Variants in GRM8 observed in about 807,000 individuals in gnomAD.
GRM8 encodes metabotropic glutamate receptor 8.
In GRM8, 47 loss-of-function variants were observed where a neutral mutation model predicts 87.2. That is an observed-to-expected ratio of 0.54 (90% CI 0.43 to 0.69). The LOEUF is 0.69. Among genes scored for constraint, GRM8 ranks in the 30% least tolerant of loss-of-function variants. GRM8 has a pLI of 0.00. For missense variants in GRM8, 1,019 were observed against 1,139.2 expected (o/e 0.89, Z 1.52); for synonymous variants, 396 against 404.5 (o/e 0.98, Z 0.25).
chr7:126,543,656 T>C (rs1219250215), intron 8 of GRM8, among the ~76,000 whole-genome samples: 1 of 152,212 alleles, frequency 6.6e-6, no homozygotes, highest in Non-Finnish European at 1.5e-5. Flanking sequence ...GTGAGCCAAG[T>C]GTGCCTAGAG....
intron 3 of GRM8, among the ~76,000 whole-genome samples, chr7:127,054,978 C>A (rs17863198): frequency 0.08 from 12,136 of 151,630 alleles, 525 homozygotes; most frequent in South Asian, 0.13. Context: ...ATGAACCAAC[C>A]ATATGGTATG....
At chr7:126,826,547 G>T (rs1452587150) in intron 6 of GRM8, among the ~76,000 whole-genome samples, 2 of 152,080 alleles carry the variant, frequency 1.3e-5, no homozygotes, top group Non-Finnish European at 2.9e-5. Context: ...CATGTCCTTC[G>T]CCCAATTTTT....
At chr7:126,511,437 C>A (rs1304661102) in intron 9 of GRM8, 1 of 152,102 alleles carries the variant, frequency 6.6e-6, no homozygotes, top group African/African-American at 2.4e-5. Context: ...GACAACATGG[C>A]AATTTTATAT....
chr7:126,689,817 C>A (rs1439569067), intron 7 of GRM8, among the ~76,000 whole-genome samples: 1 of 152,144 alleles, frequency 6.6e-6, no homozygotes, highest in African/African-American at 2.4e-5. Context: ...GAAGCTTCTG[C>A]ATGACCATGG....
intron 9 of GRM8, among the ~76,000 whole-genome samples, chr7:126,520,247 T>C (rs914123729): frequency 9.2e-5 from 14 of 152,264 alleles, no homozygotes; most frequent in Non-Finnish European, 1.5e-4. Flanking sequence ...GAAGGTTTTA[T>C]TATTCTAAAA....
At chr7:127,051,878 G>A (rs1433092714) in intron 3 of GRM8, among the ~76,000 whole-genome samples, 1 of 150,962 alleles carries the variant, frequency 6.6e-6, no homozygotes, top group African/African-American at 2.4e-5. Context: ...AATCATAAAG[G>A]CATGCATAAG....
chr7:126,663,967 GA>G (rs1460475129), intron 7 of GRM8, among the ~76,000 whole-genome samples: 3 of 152,082 alleles, frequency 2.0e-5, no homozygotes, highest in African/African-American at 7.2e-5. Context: ...AATCAACGTG[GA>G]GAAATCAGTA....
rs201489921 is a variant in GRM8, at chr7:126,856,357, T to TA, written c.1156+46184_1156+46185insT. Among the ~76,000 whole-genome samples, 11 of 152,298 alleles carry TA rather than the reference T, an allele frequency of 7.2e-5. No individual in the cohort carries two copies. The East Asian group carries it at 1.9e-3, about 27-fold the overall frequency. On this transcript the variant is annotated intron_variant, in intron 6 of 10. Coordinates refer to ENST00000339582, the MANE Select transcript of GRM8 (RefSeq NM_000845.3). ...ATAACAAAACTAACATCGCCACATT[T>TA]TTTTTTTAACAATCTGTTCTGAAGG...
intron 2 of GRM8, among the ~76,000 whole-genome samples, chr7:127,204,266 T>C (rs945037209): frequency 3.3e-5 from 5 of 152,192 alleles, no homozygotes; most frequent in African/African-American, 1.2e-4. Flanking sequence ...ATTATACATA[T>C]CTAACTTTTG....
intron 2 of GRM8, among the ~76,000 whole-genome samples, chr7:127,160,715 C>G (rs1793053720): frequency 6.6e-6 from 1 of 152,048 alleles, no homozygotes; most frequent in South Asian, 2.1e-4. Flanking sequence ...AAAAGAGAAG[C>G]CTCTAGGCTA....
intron 9 of GRM8, among the ~76,000 whole-genome samples, chr7:126,503,153 C>G (rs1809901404): frequency 6.6e-6 from 1 of 151,932 alleles, no homozygotes; most frequent in Non-Finnish European, 1.5e-5. Context: ...TTCATCTTCT[C>G]CTGTCATCAA....
At chr7:126,757,872 G>C (rs1352752981) in intron 7 of GRM8, among the ~76,000 whole-genome samples, 1 of 152,050 alleles carries the variant, frequency 6.6e-6, no homozygotes, top group Non-Finnish European at 1.5e-5. Context: ...CCTTTTACTT[G>C]AGGCCAGATA....
At chr7:126,823,749 G>C (rs1225299883) in intron 6 of GRM8, among the ~76,000 whole-genome samples, 1 of 152,098 alleles carries the variant, frequency 6.6e-6, no homozygotes, top group Non-Finnish European at 1.5e-5. Flanking sequence ...TGTTAATCCA[G>C]AGCAGCCACA....
chr7:127,166,939 A>T (rs1793488185), intron 2 of GRM8, among the ~76,000 whole-genome samples: 1 of 152,158 alleles, frequency 6.6e-6, no homozygotes, highest in African/African-American at 2.4e-5. Flanking sequence ...TGATCAAAGG[A>T]AAGGATTCTT....
chr7:127,249,868 G>A (rs1165955154), intron 1 of GRM8, among the ~76,000 whole-genome samples: 2 of 152,092 alleles, frequency 1.3e-5, no homozygotes. Flanking sequence ...CTGAACCTCC[G>A]CAAGCCAGCC....
At chr7:126,563,188 C>A (rs550425632) in intron 8 of GRM8, among the ~76,000 whole-genome samples, 1 of 151,980 alleles carries the variant, frequency 6.6e-6, no homozygotes, top group African/African-American at 2.4e-5. Flanking sequence ...TTCTACCCCT[C>A]GGTGATTTAC....
chr7:127,082,980 C>G (rs1180501731), intron 3 of GRM8, among the ~76,000 whole-genome samples: 2 of 152,134 alleles, frequency 1.3e-5, no homozygotes, highest in Non-Finnish European at 2.9e-5. Context: ...AGAAACACAA[C>G]CAAGAGGAAT....
chr7:127,251,431 G>C (rs980667182), intron 1 of GRM8, among the ~76,000 whole-genome samples: 8 of 152,130 alleles, frequency 5.3e-5, no homozygotes, highest in African/African-American at 1.9e-4. Flanking sequence ...TGGGCTTCGC[G>C]CTTGGCATGG....
At chr7:127,132,541 T>C (rs531116931) in intron 2 of GRM8, among the ~76,000 whole-genome samples, 2 of 151,772 alleles carry the variant, frequency 1.3e-5, no homozygotes, top group Non-Finnish European at 2.9e-5. Context: ...AGACAACAAA[T>C]TGACAGGAGC....
Sources: gnomAD v4.1 joint callset for allele counts (sites outside exome capture counted in the v4.1 genomes callset) on GRCh38, gnomAD v4.1.1 for gene constraint, MANE v1.5 for transcripts, NCBI Gene and HGNC (gene_info 2026-07-23, HGNC 2026-07-21) for gene names.